The following HYCC1 variants were observed in gnomAD, a reference collection of about 807,000 sequenced individuals.
HYCC1 encodes hyccin.
chr7:22,899,635 C>T, the HYCC1 span, among the ~76,000 whole-genome samples: 1 of 152,160 alleles, frequency 6.6e-6, no homozygotes, highest in Admixed American at 6.5e-5. Context: ...GCAAACCAAA[C>T]ATCTTATTTT....
At chr7:22,908,334 T>C in the HYCC1 span, among the ~76,000 whole-genome samples, 1 of 152,228 alleles carries the variant, frequency 6.6e-6, no homozygotes, top group Non-Finnish European at 1.5e-5. Flanking sequence ...TCAATTTAAG[T>C]AGCTTGCTTT....
At chr7:23,005,860 C>G in the HYCC1 span, among the ~76,000 whole-genome samples, 1 of 152,090 alleles carries the variant, frequency 6.6e-6, no homozygotes, top group South Asian at 2.1e-4. Context: ...TTTTATCTTC[C>G]CTTCTTCCCC....
chr7:22,937,452 C>T, the HYCC1 span: 1 of 152,146 alleles, frequency 6.6e-6, no homozygotes. Flanking sequence ...ATTCTTCACA[C>T]CATTCATAGT....
chr7:22,939,800 C>T, the HYCC1 span: 1 of 152,140 alleles, frequency 6.6e-6, no homozygotes, highest in East Asian at 1.9e-4. Context: ...TTGAGAGCTT[C>T]AGTTTCCTCT....
At chr7:22,954,477 GT>G in the HYCC1 span, among the ~76,000 whole-genome samples, 5 of 149,180 alleles carry the variant, frequency 3.4e-5, no homozygotes, top group Admixed American at 6.7e-5. Context: ...TCACTTTTTT[GT>G]TTTTTTTAAA....
At chr7:22,954,397 C>A in the HYCC1 span, among the ~76,000 whole-genome samples, 15 of 150,982 alleles carry the variant, frequency 9.9e-5, no homozygotes, top group Non-Finnish European at 2.2e-4. Flanking sequence ...GAATTGCAAT[C>A]TTTTATTCTT....
At chr7:22,920,572 T>C in the HYCC1 span, among the ~76,000 whole-genome samples, 1 of 151,046 alleles carries the variant, frequency 6.6e-6, no homozygotes, top group East Asian at 1.9e-4. Flanking sequence ...TAAACAAAAC[T>C]GAAAAAAAAT....
At chr7:22,902,865 TTAGA>T in the HYCC1 span, among the ~76,000 whole-genome samples, 1 of 152,128 alleles carries the variant, frequency 6.6e-6, no homozygotes, top group African/African-American at 2.4e-5. Flanking sequence ...ACATAGTTTC[TTAGA>T]TAGGAACACT....
chr7:22,991,215 C>T, the HYCC1 span: 1 of 951,084 alleles, frequency 1.1e-6, no homozygotes, highest in South Asian at 1.5e-5. Context: ...CAGAGATAAT[C>T]CTATAAAGTT....
the HYCC1 span, among the ~76,000 whole-genome samples, chr7:22,930,865 T>C: frequency 6.6e-6 from 1 of 152,254 alleles, no homozygotes; most frequent in East Asian, 1.9e-4. Flanking sequence ...CCCATATTAA[T>C]AGAATAAATG....
At chr7:22,956,996 T>C in the HYCC1 span, among the ~76,000 whole-genome samples, 7 of 151,850 alleles carry the variant, frequency 4.6e-5, no homozygotes, top group Non-Finnish European at 7.4e-5. Context: ...AAGAAAAAAA[T>C]GGCAGATCTA....
the HYCC1 span, among the ~76,000 whole-genome samples, chr7:22,989,806 A>T: frequency 1.3e-5 from 2 of 152,210 alleles, no homozygotes; most frequent in South Asian, 4.1e-4. Flanking sequence ...GGATTAGATA[A>T]AAGAGACAGA....
At chr7:22,965,026 A>G in the HYCC1 span, among the ~76,000 whole-genome samples, 1 of 151,628 alleles carries the variant, frequency 6.6e-6, no homozygotes, top group Admixed American at 6.6e-5. Context: ...CCCAGCTACT[A>G]GGGAGGCTGA....
chr7:22,906,318 C>T, the HYCC1 span, among the ~76,000 whole-genome samples: 2 of 152,138 alleles, frequency 1.3e-5, no homozygotes, highest in African/African-American at 2.4e-5. Flanking sequence ...TGACTCAAAC[C>T]TGTAATCTCA....
chr7:22,981,923 G>A, the HYCC1 span, among the ~76,000 whole-genome samples: 1 of 152,126 alleles, frequency 6.6e-6, no homozygotes, highest in Non-Finnish European at 1.5e-5. Context: ...GAGAAACACT[G>A]CTCTGAACCA....
the HYCC1 span, chr7:22,961,124 A>G: frequency 2.8e-6 from 2 of 719,042 alleles, no homozygotes; most frequent in Non-Finnish European, 5.0e-6. Flanking sequence ...AAGAGCATGA[A>G]TACACTGAGT....
chr7:22,982,151 G>T, the HYCC1 span, among the ~76,000 whole-genome samples: 3 of 152,152 alleles, frequency 2.0e-5, no homozygotes, highest in Non-Finnish European at 4.4e-5. Context: ...CCTATTTGGT[G>T]AAATATATAA....
chr7:22,950,007 TAAAG>T, the HYCC1 span, among the ~76,000 whole-genome samples: 2 of 152,020 alleles, frequency 1.3e-5, no homozygotes, highest in Non-Finnish European at 2.9e-5. Flanking sequence ...AACTACAGAA[TAAAG>T]AAAGATAATT....
chr7:22,959,678 T>C, the HYCC1 span, among the ~76,000 whole-genome samples: 1 of 151,992 alleles, frequency 6.6e-6, no homozygotes, highest in Non-Finnish European at 1.5e-5. Context: ...CCATAGTGAA[T>C]GAAAATGACT....
Sources: allele counts gnomAD v4.1 joint callset (sites outside exome capture counted in the v4.1 genomes callset), GRCh38; gene constraint gnomAD v4.1.1; transcripts MANE v1.5; gene names NCBI Gene and HGNC (gene_info 2026-07-23, HGNC 2026-07-21).